The following USP37 variants were observed in gnomAD, a reference collection of about 807,000 sequenced individuals.
The protein encoded by USP37 is ubiquitin specific peptidase 37.
Under a neutral mutation model 124.0 loss-of-function variants are expected in USP37, and 27 were observed. The observed-to-expected ratio is 0.22, with a 90% CI of 0.16 to 0.30. The LOEUF (loss-of-function observed/expected upper bound fraction) is 0.30. Among genes scored for constraint, USP37 ranks in the 10% least tolerant of loss-of-function variants. The pLI is 1.00. For synonymous variants in USP37, 365 were observed against 388.0 expected (o/e 0.94, Z 0.70); for missense variants, 889 against 1,140.4 (o/e 0.78, Z 3.17).
chr2:218,484,818 CTTAATG>C (rs1691467063), intron 16 of USP37, among the ~76,000 whole-genome samples: 1 of 152,192 alleles, frequency 6.6e-6, no homozygotes, highest in African/African-American at 2.4e-5. Context: ...TACATAAATA[CTTAATG>C]TTAATAACAA....
chr2:218,464,586 A>G (rs961134235), intron 21 of USP37, among the ~76,000 whole-genome samples: 3 of 152,190 alleles, frequency 2.0e-5, no homozygotes, highest in African/African-American at 7.2e-5. Flanking sequence ...GGCCTCAAAC[A>G]AGTACTAAAC....
At chr2:218,534,772 A>G in intron 8 of USP37, 66 bp from the exon 9 acceptor site, 1 of 1,067,096 alleles carries the variant, frequency 9.4e-7, no homozygotes, top group Non-Finnish European at 1.3e-6. Flanking sequence ...AATTTTAAAT[A>G]GTTGTCATTA....
intron 3 of USP37, among the ~76,000 whole-genome samples, chr2:218,559,756 C>T (rs545522865): frequency 6.6e-6 from 1 of 152,278 alleles, no homozygotes; most frequent in South Asian, 2.1e-4. Flanking sequence ...AATCCCAGCA[C>T]TTTGGAAGGA....
chr2:218,517,455 A>G (rs1201841979), intron 10 of USP37, among the ~76,000 whole-genome samples: 1 of 152,106 alleles, frequency 6.6e-6, no homozygotes, highest in Non-Finnish European at 1.5e-5. Context: ...GTTTTGTATG[A>G]TAGTGTCTAT....
Position 218,451,621 on chromosome 2 carries a change from C to A in USP37, c.*3309G>T, listed in dbSNP as rs1482220864. ...ATAGTTACATAATGGTAACTACACA[C>A]GATACAGAAGAATCAGTAAATTCAT... is the stretch of plus-strand genomic sequence containing the variant. On this transcript the variant is annotated 3_prime_UTR_variant, in exon 26 of 26. Coordinates refer to ENST00000258399, the MANE Select transcript of USP37 (RefSeq NM_020935.3). 1 of 151,766 alleles carries A rather than the reference C, an allele frequency of 6.6e-6. No individual in the cohort carries two copies. 9.4% of individuals were successfully genotyped at this position (151,766 alleles called of 1,614,324 possible).
chr2:218,508,384 A>C (rs1689797873), intron 11 of USP37, among the ~76,000 whole-genome samples: 1 of 152,028 alleles, frequency 6.6e-6, no homozygotes, highest in African/African-American at 2.4e-5. Flanking sequence ...ATGTATTTCT[A>C]GAGATGGGTA....
intron 23 of USP37, among the ~76,000 whole-genome samples, chr2:218,458,070 GAAAAA>G (rs538026681): frequency 2.2e-5 from 3 of 137,136 alleles, no homozygotes; most frequent in African/African-American, 8.0e-5. Flanking sequence ...GAAAAGAAAA[GAAAAA>G]AAAAATTGGG....
intron 10 of USP37, among the ~76,000 whole-genome samples, chr2:218,511,550 C>T (rs1487785151): frequency 6.6e-6 from 1 of 151,794 alleles, no homozygotes; most frequent in African/African-American, 2.4e-5. Flanking sequence ...CCTCAGGTGA[C>T]CTGCCCGCCT....
intron 8 of USP37, 106 bp downstream of exon 8, chr2:218,546,115 G>T: frequency 2.2e-6 from 2 of 928,882 alleles, no homozygotes; most frequent in Non-Finnish European, 3.2e-6. Flanking sequence ...TTCCATCTTT[G>T]GAATTCTCAT....
intron 9 of USP37, among the ~76,000 whole-genome samples, chr2:218,533,862 C>A (rs532810310): frequency 1.5e-4 from 23 of 152,274 alleles, no homozygotes; most frequent in African/African-American, 5.5e-4. Context: ...CGAACAGATA[C>A]GTTAAGTGTG....
At chr2:218,474,583 AAG>A (rs1270694156) in intron 20 of USP37, 45 bp downstream of exon 20, 2 of 1,594,878 alleles carry the variant, frequency 1.3e-6, no homozygotes, top group Non-Finnish European at 8.5e-7. Flanking sequence ...AAAACTTTGA[AAG>A]AGTTATGTTT....
chr2:218,529,558 G>C (rs1416037203), intron 10 of USP37, among the ~76,000 whole-genome samples: 2 of 152,050 alleles, frequency 1.3e-5, no homozygotes, highest in African/African-American at 4.8e-5. Flanking sequence ...CACTTTGGAA[G>C]GCTGAGGTGG....
In USP37 at chr2:218,513,099, C is replaced by CAT. The variant is rs140874315; in HGVS notation, c.864-2961_864-2960dup. Among the ~76,000 whole-genome samples, 181 of 149,286 alleles carry CAT rather than the reference C, an allele frequency of 1.2e-3. 1 individual carries two copies. The highest frequency in any genetic ancestry group is 6.9e-3 in the Middle Eastern group (2 of 288). On this transcript the variant is annotated intron_variant, in intron 10 of 25. Transcript: ENST00000258399. ...TCCGTTAGTCTGGAAATAATATAGG[C>CAT]ATATATATATATATATTAACTCCTG...
At chr2:218,543,261 C>T (rs762360668) in intron 8 of USP37, among the ~76,000 whole-genome samples, 3 of 147,040 alleles carry the variant, frequency 2.0e-5, no homozygotes, top group African/African-American at 2.5e-5. Context: ...CAGCACCTTG[C>T]GAGGCCGAGG....
chr2:218,467,641 C>G (rs180926446), intron 20 of USP37, among the ~76,000 whole-genome samples: 3 of 152,216 alleles, frequency 2.0e-5, no homozygotes, highest in African/African-American at 2.4e-5. Context: ...GCCACCGTGC[C>G]TGGCCTAATT....
intron 10 of USP37, 36 bp downstream of exon 10, chr2:218,529,920 C>T (rs1335152804): frequency 2.0e-6 from 3 of 1,518,388 alleles, no homozygotes; most frequent in Non-Finnish European, 2.7e-6. Flanking sequence ...AAAAAGAACT[C>T]CTAAGTTTTT....
intron 15 of USP37, among the ~76,000 whole-genome samples, 156 bp downstream of exon 15, chr2:218,488,148 C>T (rs1368707226): frequency 1.6e-5 from 2 of 128,268 alleles, no homozygotes; most frequent in African/African-American, 5.8e-5. Flanking sequence ...TGCACTATAG[C>T]CAGGGTGACA....
At position 218,526,240 on chromosome 2, in the gene USP37, A is replaced by AT. The variant is rs879437547; in HGVS notation, c.863+3715dup. Among the ~76,000 whole-genome samples the AT allele has an allele frequency of 1.7e-3, 258 of 149,058 alleles. 1 individual carries two copies. Among genetic ancestry groups the AT allele is most frequent in the African/African-American group, 5.3e-3 (215 of 40,640 alleles). Reference sequence around the variant, plus strand: ...TGCTGGGTTGAATGGTTATTTATTTATTTTTTTTTTTGAGACAGTCTTGCT... The same window carrying AT: ...TGCTGGGTTGAATGGTTATTTATTTATTTTTTTTTTTTGAGACAGTCTTGCT... On this transcript the variant is annotated intron_variant, in intron 10 of 25. Transcript: ENST00000258399.
At chr2:218,496,725 T>G (rs1689100256) in intron 13 of USP37, among the ~76,000 whole-genome samples, 3 of 152,306 alleles carry the variant, frequency 2.0e-5, no homozygotes, top group Admixed American at 1.3e-4. Context: ...CTCGGCTCAC[T>G]GCAACCTCTG....
Sources: gnomAD v4.1 joint callset for allele counts (sites outside exome capture counted in the v4.1 genomes callset) on GRCh38, gnomAD v4.1.1 for gene constraint, MANE v1.5 for transcripts, NCBI Gene and HGNC (gene_info 2026-07-23, HGNC 2026-07-21) for gene names.